Variants in LVRN observed in about 807,000 individuals in gnomAD.
The protein encoded by LVRN is laeverin.
LVRN carries 99 observed loss-of-function variants against 111.4 expected under a neutral mutation model. That is an observed-to-expected ratio of 0.89 (90% confidence interval 0.76 to 1.05). The LOEUF is 1.05. Among genes scored for constraint, LVRN ranks in the 50% least tolerant of loss-of-function variants. The pLI, the probability that LVRN is intolerant of heterozygous loss-of-function variation, is 0.00. For missense variants in LVRN, 1,414 were observed against 1,206.8 expected, an observed-to-expected ratio of 1.17 and a Z score of -2.54; for synonymous variants, 488 against 449.5, an observed-to-expected ratio of 1.09 and a Z score of -1.08.
intron 4 of LVRN, among the ~76,000 whole-genome samples, chr5:115,989,674 G>T (rs12515323): frequency 0.7 from 106,950 of 152,008 alleles, 38,218 homozygotes; most frequent in East Asian, 0.96. Context: ...GTAATTCCAC[G>T]TAAATTCTGA....
At chr5:115,989,846 G>T (rs183833231) in intron 4 of LVRN, among the ~76,000 whole-genome samples, 8 of 151,998 alleles carry the variant, frequency 5.3e-5, no homozygotes, top group African/African-American at 1.9e-4. Flanking sequence ...CTCTATTATT[G>T]GGTTTTTGGG....
chr5:116,015,397 A>G lies in LVRN; in HGVS notation c.2596A>G (p.Lys866Glu), dbSNP rs1343809907. 1.3e-6 allele frequency: 2 copies of G among 1,544,276 alleles called. No individual in the cohort carries two copies. The highest frequency in any genetic ancestry group is 1.9e-5 in the Admixed American group (1 of 53,714). Residue 866 changes from lysine (K) to glutamate (E), a missense_variant, in exon 17 of 20, where the codon AAA becomes GAA. Lys to Glu is a moderately conservative substitution (Grantham distance 56, BLOSUM62 1). Coordinates refer to ENST00000357872, the MANE Select transcript of LVRN (RefSeq NM_173800.5). ...IQLAYAMSCS[K>E]DPWILNRYME... is the part of the protein sequence containing the mutation. ...ACTTGCTTATGCAATGAGCTGCAGC[A>G]AAGACCCATGGATACTTAACAGGTG...
rs1028626182 is a variant in LVRN, at chr5:116,015,545, C to T, written c.2619-83C>T. On this transcript the variant is annotated intron_variant, in intron 17 of 19. Coordinates refer to ENST00000357872, the MANE Select transcript of LVRN (RefSeq NM_173800.5). Reference sequence around the variant, plus strand: ...TATTTGTGCTTCACTACCTTAGAACCATGGGATTTTGATTTTGTTTATTTA... The same window carrying T: ...TATTTGTGCTTCACTACCTTAGAACTATGGGATTTTGATTTTGTTTATTTA... The T allele has an allele frequency of 7.3e-6, 11 of 1,507,992 alleles. No individual in the cohort carries two copies. The African/African-American group carries it at 1.5e-4, about 21-fold the overall frequency. The allele number at this position is 1,507,992 out of a possible 1,614,324, so 93.4% of individuals were successfully genotyped here.
chr5:116,003,593 T>A (rs1303381766), intron 12 of LVRN, among the ~76,000 whole-genome samples: 2 of 150,700 alleles, frequency 1.3e-5, no homozygotes, highest in Non-Finnish European at 3.0e-5. Flanking sequence ...TTTTGTTTTT[T>A]TTTTTTGAGA....
chr5:116,005,780 T>C (rs993852902), intron 12 of LVRN, 132 bp from the exon 13 acceptor site: 2 of 739,096 alleles, frequency 2.7e-6, no homozygotes, highest in Non-Finnish European at 4.9e-6. Context: ...AATTGTTGTT[T>C]CTCTGCAGAT....
chr5:115,997,259 C>T (rs1224652744), intron 6 of LVRN, among the ~76,000 whole-genome samples: 1 of 152,060 alleles, frequency 6.6e-6, no homozygotes, highest in East Asian at 1.9e-4. Context: ...TCCTAAAGGG[C>T]CGAGGAAGGA....
At chr5:115,986,226 CT>C (rs751177577) in intron 3 of LVRN, among the ~76,000 whole-genome samples, 53 of 152,328 alleles carry the variant, frequency 3.5e-4, no homozygotes, top group Middle Eastern at 3.4e-3. Context: ...AAATATAACA[CT>C]GGCCAAGTTA....
chr5:116,012,351 T>G (rs776629876), intron 14 of LVRN, 23 bp from the exon 15 acceptor site: 1 of 1,254,498 alleles, frequency 8.0e-7, no homozygotes, highest in Non-Finnish European at 1.1e-6. Flanking sequence ...GAACTAACAG[T>G]GTATTTTCTT....
chr5:115,997,779 GT>G (rs1198350894), intron 6 of LVRN, among the ~76,000 whole-genome samples: 3 of 152,140 alleles, frequency 2.0e-5, no homozygotes, highest in East Asian at 1.9e-4. Context: ...TAGCTAGATA[GT>G]TTTTTTTAAA....
rs566294703 is a variant in LVRN at position 116,026,387 on chromosome 5, G to A, written c.*269G>A. Reference sequence around the variant, plus strand: ...CCACAGAATTTACTTTAAATGTCACGTAAAAACAAATTCACCTAAGATAGT... The same window carrying A: ...CCACAGAATTTACTTTAAATGTCACATAAAAACAAATTCACCTAAGATAGT... On this transcript the variant is annotated 3_prime_UTR_variant, in exon 20 of 20. Transcript: ENST00000357872. 2.1e-5 allele frequency: 9 copies of A among 431,328 alleles called. No homozygotes were observed. The highest frequency in any genetic ancestry group is 3.9e-5 in the Admixed American group (1 of 25,920). 26.7% of individuals were successfully genotyped at this position (431,328 alleles called of 1,614,324 possible). A position where few individuals can be genotyped will look rare whatever the true frequency, so the allele number is the denominator to read the frequency against.
intron 6 of LVRN, among the ~76,000 whole-genome samples, chr5:115,998,017 T>C (rs951382916): frequency 6.6e-6 from 1 of 152,068 alleles, no homozygotes; most frequent in African/African-American, 2.4e-5. Flanking sequence ...TCTGATAGGG[T>C]TAGGGGAGAC....
chr5:116,026,959 T>G lies in LVRN; in HGVS notation c.*841T>G, dbSNP rs1165421910. 6.6e-6 allele frequency: 1 copy of G among 152,194 alleles called. No homozygotes were observed. Among genetic ancestry groups the G allele is most frequent in the Non-Finnish European group, 1.5e-5 (1 of 68,042 alleles). The allele number at this position is 152,194 out of a possible 1,614,324, so 9.4% of individuals were successfully genotyped here. Reference sequence around the variant, plus strand: ...GACAATAGCAAGTATAGGCTACTATTTAGGGCAAAAGGAATCTTGAAATGA... The same window carrying G: ...GACAATAGCAAGTATAGGCTACTATGTAGGGCAAAAGGAATCTTGAAATGA... On this transcript the variant is annotated 3_prime_UTR_variant, in exon 20 of 20. Coordinates refer to ENST00000357872, the MANE Select transcript of LVRN (RefSeq NM_173800.5).
intron 1 of LVRN, among the ~76,000 whole-genome samples, chr5:115,981,225 A>G (rs1753553360): frequency 6.6e-6 from 1 of 152,186 alleles, no homozygotes; most frequent in South Asian, 2.1e-4. Context: ...TTTTGCATAT[A>G]CTGATATCAT....
At position 115,987,927 on chromosome 5, in the gene LVRN, C is replaced by T; in HGVS notation, c.1093C>T (p.Leu365Phe). 2 of 1,609,106 alleles carry T rather than the reference C, an allele frequency of 1.2e-6. No individual in the cohort carries two copies. The highest frequency in any genetic ancestry group is 2.2e-5 in the East Asian group (1 of 44,706). Residue 365 changes from leucine (L) to phenylalanine (F), a missense_variant, in exon 4 of 20, where the codon CTT (leucine) becomes TTT (phenylalanine). Coordinates refer to ENST00000357872, the MANE Select transcript of LVRN (RefSeq NM_173800.5). ...LEDLFNISYS[L>F]PKTDIIALPS... ...GGATTTGTTTAATATCAGTTACTCT[C>T]TTCCAAAAACAGGTGAGGTAATCTT...
intron 4 of LVRN, among the ~76,000 whole-genome samples, 165 bp from the exon 5 acceptor site, chr5:115,991,958 G>A (rs1044587166): frequency 1.1e-4 from 16 of 152,074 alleles, no homozygotes; most frequent in Non-Finnish European, 2.2e-4. Flanking sequence ...TTTATTTGCT[G>A]GCTTTTGTCT....
intron 1 of LVRN, among the ~76,000 whole-genome samples, chr5:115,968,437 CT>C (rs5870675): frequency 0.018 from 2,428 of 131,390 alleles, 33 homozygotes; most frequent in African/African-American, 0.042. Context: ...GTTCCCCACC[CT>C]TTTTTTTTTT....
At position 115,992,209 on chromosome 5, in the gene LVRN, C is replaced by G; in HGVS notation, c.1192C>G (p.Pro398Ala). 2 of 1,613,820 alleles carry G rather than the reference C, an allele frequency of 1.2e-6. No homozygotes were observed. The highest frequency in any genetic ancestry group is 1.7e-6 in the Non-Finnish European group (2 of 1,179,848). The change falls in exon 5 of 20, where the codon CCA becomes GCA. Residue 398 changes from proline to alanine, a missense_variant. Transcript: ENST00000357872. ...IFDESGLLLE[P>A]KDQLTEKKTL... is the part of the protein sequence containing the mutation. ...TGATGAATCAGGATTGTTGTTGGAA[C>G]CAAAAGATCAACTGACAGAAAAAAA...
chr5:115,989,992 A>C (rs1484629543), intron 4 of LVRN, among the ~76,000 whole-genome samples: 5 of 152,152 alleles, frequency 3.3e-5, no homozygotes, highest in Non-Finnish European at 7.4e-5. Context: ...TGAGGAGGTG[A>C]GTTGGGTGAA....
At chr5:115,984,357 T>A (rs944080018) in intron 2 of LVRN, among the ~76,000 whole-genome samples, 1 of 152,114 alleles carries the variant, frequency 6.6e-6, no homozygotes, top group Middle Eastern at 3.2e-3. Flanking sequence ...AAGTCTATAT[T>A]ATTCAAAATG....
Sources: allele counts gnomAD v4.1 joint callset (sites outside exome capture counted in the v4.1 genomes callset), GRCh38; gene constraint gnomAD v4.1.1; transcripts MANE v1.5; gene names NCBI Gene and HGNC (gene_info 2026-07-23, HGNC 2026-07-21).